MYLK4: variants seen among roughly 807,000 people sequenced by gnomAD.
The protein encoded by MYLK4 is caMLCK like.
MYLK4 carries 46 observed loss-of-function variants against 48.1 expected under a neutral mutation model. The ratio of observed to expected loss-of-function variants is 0.96; its 90% CI spans 0.75 to 1.22. MYLK4 has a LOEUF of 1.22. MYLK4 is among the 50% of genes most tolerant of loss of function. The pLI is 0.00. For missense variants in MYLK4, 451 were observed against 486.1 expected, an observed-to-expected ratio of 0.93 and a Z score of 0.68; for synonymous variants, 170 against 180.8, an observed-to-expected ratio of 0.94 and a Z score of 0.48.
At chr6:2,684,471 G>T (rs1035569537) in intron 6 of MYLK4, among the ~76,000 whole-genome samples, 2 of 152,150 alleles carry the variant, frequency 1.3e-5, no homozygotes, top group Non-Finnish European at 2.9e-5. Flanking sequence ...TATTCAAAAT[G>T]CCTTATTGAG....
chr6:2,671,646 C>T (rs571263504), intron 11 of MYLK4, among the ~76,000 whole-genome samples: 1 of 152,274 alleles, frequency 6.6e-6, no homozygotes, highest in African/African-American at 2.4e-5. Flanking sequence ...AAAACTCACG[C>T]GTGTATAGCA....
intron 2 of MYLK4, among the ~76,000 whole-genome samples, chr6:2,697,888 C>A (rs1021011225): frequency 6.6e-6 from 1 of 152,188 alleles, no homozygotes; most frequent in African/African-American, 2.4e-5. Flanking sequence ...TGAAGCAATG[C>A]GTGATGAAGA....
At chr6:2,766,218 C>G in the MYLK4 span, 1 of 1,484,768 alleles carries the variant, frequency 6.7e-7, no homozygotes, top group Admixed American at 2.3e-5. Flanking sequence ...GCCGCCACCG[C>G]CTTCGGGGCC....
intron 2 of MYLK4, among the ~76,000 whole-genome samples, chr6:2,735,329 T>C (rs1033506029): frequency 1.3e-5 from 2 of 152,142 alleles, no homozygotes; most frequent in Non-Finnish European, 2.9e-5. Flanking sequence ...CTTTGACTGC[T>C]TAAAATTGAT....
intron 2 of MYLK4, among the ~76,000 whole-genome samples, chr6:2,714,959 T>C (rs1174509181): frequency 1.3e-5 from 2 of 152,092 alleles, no homozygotes; most frequent in African/African-American, 4.8e-5. Flanking sequence ...GAATGGGAAG[T>C]TGGTCTTTAA....
chr6:2,697,040 C>A (rs560278642), intron 2 of MYLK4, among the ~76,000 whole-genome samples: 1 of 152,074 alleles, frequency 6.6e-6, no homozygotes, highest in African/African-American at 2.4e-5. Flanking sequence ...GCCTTGGCAA[C>A]AGAGAGAGAC....
chr6:2,670,843 G>A (rs1760860291), intron 12 of MYLK4, among the ~76,000 whole-genome samples: 1 of 152,056 alleles, frequency 6.6e-6, no homozygotes, highest in Non-Finnish European at 1.5e-5. Context: ...ATGGCCGTGG[G>A]GGTGTCTCTG....
chr6:2,765,490 C>T, the MYLK4 span: 5 of 1,168,606 alleles, frequency 4.3e-6, no homozygotes, highest in Non-Finnish European at 5.4e-6. Context: ...CGCCCTCCTC[C>T]GGCCCGCGAG....
At chr6:2,740,318 T>C (rs1763855054) in intron 2 of MYLK4, among the ~76,000 whole-genome samples, 1 of 152,248 alleles carries the variant, frequency 6.6e-6, no homozygotes, top group Non-Finnish European at 1.5e-5. Context: ...AGGTCTAGTC[T>C]GAAAGTGCTT....
chr6:2,679,313 T>C lies in MYLK4; in HGVS notation c.854A>G (p.Asp285Gly), dbSNP rs1761207456. The change falls in exon 9 of 13, where the codon GAC (aspartate) becomes GGC (glycine). Residue 285 changes from aspartate to glycine, a missense_variant. By Grantham distance (94) the Asp-to-Gly change is moderately conservative. Transcript: ENST00000274643. ...GGCGATGACCCCCACACTCCACATG[T>C]CAGTGGGAAATGAAACAAAATCATA... is the stretch of plus-strand genomic sequence containing the variant. The part of the protein sequence containing the change: ...VNYDFVSFPT[D>G]MWSVGVIAYM... 6.2e-7 allele frequency: 1 copy of C among 1,614,032 alleles called. No individual in the cohort carries two copies. The highest frequency in any genetic ancestry group is 1.7e-5 in the Admixed American group (1 of 60,000).
upstream of MYLK4, among the ~76,000 whole-genome samples, chr6:2,752,510 T>A (rs1325341337): frequency 6.6e-6 from 1 of 152,068 alleles, no homozygotes; most frequent in Non-Finnish European, 1.5e-5. Context: ...AGAAAGATGG[T>A]AGACACCTTT....
intron 12 of MYLK4, among the ~76,000 whole-genome samples, chr6:2,670,147 CCT>C (rs1470122194): frequency 6.6e-5 from 10 of 152,170 alleles, no homozygotes; most frequent in Admixed American, 1.3e-4. Flanking sequence ...GGGCAGATCA[CCT>C]TAGGTCAGGA....
At chr6:2,727,946 CAAAAAAAAAAAA>C (rs10716559) in intron 2 of MYLK4, among the ~76,000 whole-genome samples, 2 of 104,874 alleles carry the variant, frequency 1.9e-5, no homozygotes, top group Admixed American at 2.0e-4. Flanking sequence ...GACTCCGTCT[CAAAAAAAAAAAA>C]AAAAAAAAAT....
At chr6:2,719,887 C>T (rs1410431605) in intron 2 of MYLK4, among the ~76,000 whole-genome samples, 1 of 152,200 alleles carries the variant, frequency 6.6e-6, no homozygotes, top group East Asian at 1.9e-4. Flanking sequence ...CCTGTAATCC[C>T]AACACTTTGG....
the MYLK4 span, among the ~76,000 whole-genome samples, chr6:2,769,275 A>G: frequency 1.7e-4 from 26 of 152,156 alleles, no homozygotes; most frequent in African/African-American, 5.8e-4. Context: ...AAATTAAACA[A>G]TCGGTATTTT....
At position 2,692,645 on chromosome 6, in the gene MYLK4, G is replaced by C. The variant is rs867334215; in HGVS notation, c.235+139C>G. The C allele has an allele frequency of 1.1e-3, 492 of 447,466 alleles. 14 individuals carry two copies. Among genetic ancestry groups the C allele is most frequent in the African/African-American group, 8.4e-3 (308 of 36,686 alleles). The allele number at this position is 447,466 out of a possible 1,614,324, so 27.7% of individuals were successfully genotyped here. ...AAACACAAGCAAAAAAAAAAAAAGG[G>C]GGGGGGGGGCATTTTTTTATAAACA... On this transcript the variant is annotated intron_variant, in intron 3 of 12. Coordinates refer to ENST00000274643, the MANE Select transcript of MYLK4 (RefSeq NM_001012418.5).
At chr6:2,677,097 G>A (rs541969181) in intron 10 of MYLK4, among the ~76,000 whole-genome samples, 25 of 152,158 alleles carry the variant, frequency 1.6e-4, no homozygotes, top group Non-Finnish European at 2.9e-4. Flanking sequence ...GATACCCCTA[G>A]CCTGGCTAGG....
rs528087407 is a variant in MYLK4 at position 2,715,663 on chromosome 6, T to A, written c.160-22804A>T. ...AAGTTGACTTCCAAGAATTAGCTAG[T>A]CCTGCTTCACGTGTCTGGCTTACAG... On this transcript the variant is annotated intron_variant, in intron 2 of 12. Coordinates refer to ENST00000274643, the MANE Select transcript of MYLK4 (RefSeq NM_001012418.5). 1.4e-4 allele frequency among the ~76,000 whole-genome samples: 21 copies of A among 152,324 alleles called. No homozygotes were observed. The South Asian group carries it at 4.1e-3, about 30-fold the overall frequency.
Position 2,749,311 on chromosome 6 carries a change from A to G in MYLK4, c.-17T>C. 1 of 1,607,272 alleles carries G rather than the reference A, an allele frequency of 6.2e-7. No homozygotes were observed. The highest frequency in any genetic ancestry group is 8.5e-7 in the Non-Finnish European group (1 of 1,176,316). On this transcript the variant is annotated 5_prime_UTR_variant, in exon 2 of 13. Coordinates refer to ENST00000274643, the MANE Select transcript of MYLK4 (RefSeq NM_001012418.5). ...TTTTAACATCTTAGTAGTGAGTCCGATTAAGCTACTTTCTGGAGTGTGGTT... is the reference window on the plus strand; with the variant it reads ...TTTTAACATCTTAGTAGTGAGTCCGGTTAAGCTACTTTCTGGAGTGTGGTT...
Sources: allele counts gnomAD v4.1 joint callset (sites outside exome capture counted in the v4.1 genomes callset), GRCh38; gene constraint gnomAD v4.1.1; transcripts MANE v1.5; gene names NCBI Gene and HGNC (gene_info 2026-07-23, HGNC 2026-07-21).